RBMS3: variants seen among roughly 807,000 people sequenced by gnomAD.
RBMS3 encodes the protein RNA-binding motif, single-stranded-interacting protein 3.
A neutral mutation model predicts 66.8 loss-of-function variants in RBMS3; 27 were observed. That is an observed-to-expected ratio of 0.40 (90% confidence interval 0.30 to 0.56). The LOEUF is 0.56. RBMS3 is among the 20% of genes least tolerant of loss of function. The pLI is 0.40. For synonymous variants in RBMS3, 188 were observed against 183.0 expected, an observed-to-expected ratio of 1.03 and a Z score of -0.22; for missense variants, 513 against 549.5, an observed-to-expected ratio of 0.93 and a Z score of 0.66.
chr3:29,738,443 C>A (rs1350979679), intron 4 of RBMS3, among the ~76,000 whole-genome samples: 1 of 152,074 alleles, frequency 6.6e-6, no homozygotes, highest in African/African-American at 2.4e-5. Flanking sequence ...GACATAAATA[C>A]AACTAAGTTC....
intron 7 of RBMS3, among the ~76,000 whole-genome samples, chr3:29,873,122 T>C (rs1275479304): frequency 2.6e-5 from 4 of 152,160 alleles, no homozygotes; most frequent in African/African-American, 9.7e-5. Context: ...TTTTTTCTAG[T>C]TCTGTGAATA....
chr3:29,608,601 A>C (rs1408658391), intron 4 of RBMS3, among the ~76,000 whole-genome samples: 2 of 152,062 alleles, frequency 1.3e-5, no homozygotes, highest in African/African-American at 4.8e-5. Flanking sequence ...TACTCATCTA[A>C]GTTTTATACA....
intron 4 of RBMS3, among the ~76,000 whole-genome samples, chr3:29,664,148 G>A (rs1447443500): frequency 2.0e-5 from 3 of 152,292 alleles, no homozygotes; most frequent in African/African-American, 7.2e-5. Context: ...AGAAATCTGA[G>A]ATTCTGGATT....
At chr3:29,741,584 C>T (rs543326746) in intron 5 of RBMS3, among the ~76,000 whole-genome samples, 1 of 152,300 alleles carries the variant, frequency 6.6e-6, no homozygotes, top group Non-Finnish European at 1.5e-5. Flanking sequence ...GAAATAAATG[C>T]ATTTCAAATT....
chr3:29,792,399 A>G (rs2057043835), intron 6 of RBMS3, among the ~76,000 whole-genome samples: 1 of 152,180 alleles, frequency 6.6e-6, no homozygotes, highest in Non-Finnish European at 1.5e-5. Context: ...TTTGAAATGC[A>G]GGGCCCTTCA....
At position 29,436,223 on chromosome 3, in the gene RBMS3, T is replaced by G. The variant is rs1384584994; in HGVS notation, c.248+1308T>G. On this transcript the variant is annotated intron_variant, in intron 2 of 14. Transcript: ENST00000383767. Reference sequence around the variant, plus strand: ...AAGAGGAAAACAAAGCAGAAAATATTTATTTGCCTTTGTCCTAGATTTTAA... The same window carrying G: ...AAGAGGAAAACAAAGCAGAAAATATGTATTTGCCTTTGTCCTAGATTTTAA... Among the ~76,000 whole-genome samples, 3 of 152,178 alleles carry G rather than the reference T, an allele frequency of 2.0e-5. No homozygotes were observed. The East Asian group carries it at 5.8e-4, about 29-fold the overall frequency.
At chr3:29,467,430 ATATG>A (rs2042580981) in intron 2 of RBMS3, among the ~76,000 whole-genome samples, 1 of 152,184 alleles carries the variant, frequency 6.6e-6, no homozygotes, top group African/African-American at 2.4e-5. Flanking sequence ...GCTTACATAC[ATATG>A]TGTGTCATGA....
chr3:29,599,142 C>T (rs1319828505), intron 4 of RBMS3, among the ~76,000 whole-genome samples: 2 of 148,012 alleles, frequency 1.4e-5, no homozygotes, highest in Non-Finnish European at 3.0e-5. Context: ...GCATGGTGGG[C>T]AGAGAGTGGA....
chr3:29,557,932 A>G (rs2046417403), intron 3 of RBMS3, among the ~76,000 whole-genome samples: 1 of 152,182 alleles, frequency 6.6e-6, no homozygotes, highest in Non-Finnish European at 1.5e-5. Context: ...ATCATACTTA[A>G]TCTGATTTAA....
At chr3:29,307,806 G>A (rs1007917010) in intron 1 of RBMS3, among the ~76,000 whole-genome samples, 2 of 151,892 alleles carry the variant, frequency 1.3e-5, no homozygotes, top group African/African-American at 4.8e-5. Context: ...TCTATGATAT[G>A]AGAAAGCACA....
chr3:29,906,631 T>C (rs2060385567), intron 10 of RBMS3, among the ~76,000 whole-genome samples: 1 of 152,174 alleles, frequency 6.6e-6, no homozygotes, highest in Admixed American at 6.6e-5. Context: ...ATACTAATTT[T>C]ATTCATTTAA....
At chr3:29,618,849 T>C (rs573940772) in intron 4 of RBMS3, among the ~76,000 whole-genome samples, 25 of 152,278 alleles carry the variant, frequency 1.6e-4, no homozygotes, top group African/African-American at 6.0e-4. Context: ...CTTCTCTTTT[T>C]CCCTATTCCA....
At chr3:29,357,017 T>G (rs1454157315) in intron 1 of RBMS3, among the ~76,000 whole-genome samples, 2 of 152,122 alleles carry the variant, frequency 1.3e-5, no homozygotes, top group Non-Finnish European at 2.9e-5. Flanking sequence ...GGAAAAATAG[T>G]GGGTACAATC....
At chr3:29,821,474 T>A (rs2058074196) in intron 6 of RBMS3, among the ~76,000 whole-genome samples, 1 of 152,124 alleles carries the variant, frequency 6.6e-6, no homozygotes. Context: ...CAGTAGTCAC[T>A]TAATACTGAG....
Position 29,379,018 on chromosome 3 carries a change from G to T in RBMS3, c.76-55725G>T, listed in dbSNP as rs78454266. ...GCATTATCTCTGTCTTGTCTGCAGAGAGATTTTCCTTTGAGGTCAATCTCT... is the reference window on the plus strand; with the variant it reads ...GCATTATCTCTGTCTTGTCTGCAGATAGATTTTCCTTTGAGGTCAATCTCT... On this transcript the variant is annotated intron_variant, in intron 1 of 14. Transcript: ENST00000383767. Among the ~76,000 whole-genome samples, 541 of 152,260 alleles carry T rather than the reference G, an allele frequency of 3.6e-3. 4 individuals carry two copies. The highest frequency in any genetic ancestry group is 0.012 in the African/African-American group (515 of 41,536).
intron 4 of RBMS3, among the ~76,000 whole-genome samples, chr3:29,603,991 G>T (rs904044157): frequency 6.6e-6 from 1 of 151,952 alleles, no homozygotes; most frequent in Non-Finnish European, 1.5e-5. Context: ...GGCACAAGTT[G>T]CTACTGGCAT....
At chr3:29,610,906 A>C (rs1457652) in intron 4 of RBMS3, among the ~76,000 whole-genome samples, 31,914 of 151,816 alleles carry the variant, frequency 0.21, 4,619 homozygotes, top group African/African-American at 0.4. Flanking sequence ...CAGATCCCTG[A>C]CCTTTCTGCC....
chr3:29,766,971 C>T (rs771399143), intron 6 of RBMS3: 4 of 151,942 alleles, frequency 2.6e-5, no homozygotes, highest in Non-Finnish European at 4.4e-5. Flanking sequence ...TCCTACATAT[C>T]GATCTTGATG....
At chr3:29,344,715 C>T (rs1161746782) in intron 1 of RBMS3, among the ~76,000 whole-genome samples, 1 of 152,000 alleles carries the variant, frequency 6.6e-6, no homozygotes, top group Non-Finnish European at 1.5e-5. Flanking sequence ...TTGAGGTAGT[C>T]ACTGGTATTT....
Sources: allele counts gnomAD v4.1 joint callset (sites outside exome capture counted in the v4.1 genomes callset), GRCh38; gene constraint gnomAD v4.1.1; transcripts MANE v1.5; gene names NCBI Gene and HGNC (gene_info 2026-07-23, HGNC 2026-07-21).